OGDH: variants seen among roughly 807,000 people sequenced by gnomAD.
OGDH encodes oxoglutarate dehydrogenase.
OGDH carries 38 observed loss-of-function variants against 116.6 expected under a neutral mutation model. The ratio of observed to expected loss-of-function variants is 0.33; its 90% CI spans 0.25 to 0.43. OGDH has a LOEUF of 0.43. Among genes scored for constraint, OGDH ranks in the 20% least tolerant of loss-of-function variants. The pLI is 1.00. For missense variants in OGDH, 825 were observed against 1,357.2 expected (o/e 0.61, Z 6.16); for synonymous variants, 488 against 533.3 (o/e 0.92, Z 1.17).
At chr7:44,643,537 G>A (rs899755121) in intron 2 of OGDH, among the ~76,000 whole-genome samples, 1 of 152,202 alleles carries the variant, frequency 6.6e-6, no homozygotes, top group African/African-American at 2.4e-5. Flanking sequence ...TCTAGTTTGT[G>A]TCTAGCAGCA....
intron 2 of OGDH, among the ~76,000 whole-genome samples, chr7:44,636,668 G>A (rs1346110943): frequency 2.0e-5 from 3 of 152,216 alleles, no homozygotes; most frequent in Non-Finnish European, 4.4e-5. Flanking sequence ...AAAGAGCACT[G>A]GTCACTGTGA....
At chr7:44,657,289 A>G (rs1585302607) in intron 4 of OGDH, among the ~76,000 whole-genome samples, 2 of 152,258 alleles carry the variant, frequency 1.3e-5, no homozygotes, top group East Asian at 1.9e-4. Context: ...GGCAACCACT[A>G]TTTTGTTCTC....
Position 44,701,526 on chromosome 7 carries a change from A to T in OGDH, c.2560-17A>T, listed in dbSNP as rs1483792538. ...TCAGAATCTGATCCTTCACGAGCCT[A>T]TTGTTCTGTATTTCAGTTAATTATC... On this transcript the variant is annotated splice_polypyrimidine_tract_variant and intron_variant, in intron 19 of 22. Coordinates refer to ENST00000222673, the MANE Select transcript of OGDH (RefSeq NM_002541.4). The T allele has an allele frequency of 1.9e-6, 3 of 1,610,364 alleles. No individual in the cohort carries two copies. Among genetic ancestry groups the T allele is most frequent in the Non-Finnish European group, 2.5e-6 (3 of 1,177,006 alleles).
At chr7:44,629,640 C>T (rs1284427063) in intron 2 of OGDH, among the ~76,000 whole-genome samples, 3 of 139,784 alleles carry the variant, frequency 2.1e-5, no homozygotes, top group East Asian at 2.1e-4. Flanking sequence ...AGTGCAGTGG[C>T]GCAGTCTCGG....
chr7:44,677,715 A>C (rs975107929), intron 9 of OGDH, among the ~76,000 whole-genome samples: 2 of 148,884 alleles, frequency 1.3e-5, no homozygotes, highest in African/African-American at 4.9e-5. Flanking sequence ...CTAAAAATAC[A>C]AAAAAAAAAT....
intron 9 of OGDH, among the ~76,000 whole-genome samples, chr7:44,679,132 C>A (rs1057412104): frequency 3.9e-5 from 6 of 152,232 alleles, no homozygotes; most frequent in Non-Finnish European, 8.8e-5. Flanking sequence ...GCATGGTAGT[C>A]GCAGTACAAC....
At chr7:44,696,872 AG>A (rs777783658) in intron 14 of OGDH, 41 bp from the exon 15 acceptor site, 3 of 1,562,238 alleles carry the variant, frequency 1.9e-6, no homozygotes, top group African/African-American at 2.7e-5. Context: ...AGGCATGTGC[AG>A]GCAGGGCCTG....
At chr7:44,612,189 C>T (rs1368226294) in intron 1 of OGDH, among the ~76,000 whole-genome samples, 1 of 152,134 alleles carries the variant, frequency 6.6e-6, no homozygotes, top group African/African-American at 2.4e-5. Flanking sequence ...TTTGCACTTT[C>T]GTCAGAAATC....
chr7:44,621,400 G>A, intron 1 of OGDH, among the ~76,000 whole-genome samples: 1 of 152,180 alleles, frequency 6.6e-6, no homozygotes, highest in East Asian at 1.9e-4. Context: ...GCCGTTTTAT[G>A]TAAGAGAGAA....
At chr7:44,626,175 T>G (rs1562619663) in intron 2 of OGDH, among the ~76,000 whole-genome samples, 1 of 152,142 alleles carries the variant, frequency 6.6e-6, no homozygotes. Flanking sequence ...TGTAGTTTAT[T>G]TCCCTAGTCT....
chr7:44,697,811 C>G lies in OGDH; in HGVS notation c.2358+29C>G, dbSNP rs1294223985. ...AGCCTCTGGCCCTTCCCTGCCAGAC[C>G]TAGGACTTGGGAAGGGCCTGTGTAG... is the stretch of plus-strand genomic sequence containing the variant. On this transcript the variant is annotated intron_variant, in intron 17 of 22. Transcript: ENST00000222673. This position sits in a 1 kb window ranked among gnomAD's most constrained non-coding sequence, Gnocchi z 6.0. 1 of 1,601,414 alleles carries G rather than the reference C, an allele frequency of 6.2e-7. No individual in the cohort carries two copies. Among genetic ancestry groups the G allele is most frequent in the Admixed American group, 1.7e-5 (1 of 58,958 alleles).
intron 10 of OGDH, 123 bp downstream of exon 10, chr7:44,681,971 G>C (rs1787946722): frequency 7.7e-7 from 1 of 1,294,848 alleles, no homozygotes; most frequent in Non-Finnish European, 1.1e-6. Flanking sequence ...TAAAAACCAG[G>C]TGCAGTGGCT....
At chr7:44,647,577 T>C in intron 3 of OGDH, 80 bp from the exon 4 acceptor site, 2 of 1,480,080 alleles carry the variant, frequency 1.4e-6, no homozygotes, top group Non-Finnish European at 1.8e-6. Context: ...GTAATTTTAC[T>C]TTTTTTTTAC....
rs1328619213 is a variant in OGDH at position 44,655,424 on chromosome 7, C to T, written c.517+7665C>T. 1.3e-5 allele frequency among the ~76,000 whole-genome samples: 2 copies of T among 152,194 alleles called. 1 individual carries two copies. ...GACTGGAGACTAGCCCCTGTCACAGCCCTAGGAAGCAGGCCTGTTTCTTGG... is the reference window on the plus strand; with the variant it reads ...GACTGGAGACTAGCCCCTGTCACAGTCCTAGGAAGCAGGCCTGTTTCTTGG... On this transcript the variant is annotated intron_variant, in intron 4 of 22. Coordinates refer to ENST00000222673, the MANE Select transcript of OGDH (RefSeq NM_002541.4).
chr7:44,658,018 C>T (rs1786770740), intron 4 of OGDH, among the ~76,000 whole-genome samples: 2 of 152,068 alleles, frequency 1.3e-5, no homozygotes, highest in African/African-American at 4.8e-5. Flanking sequence ...CCATCGATAC[C>T]ACAGTGTCTT....
chr7:44,696,804 C>T, intron 14 of OGDH, 110 bp from the exon 15 acceptor site: 1 of 1,383,882 alleles, frequency 7.2e-7, no homozygotes, highest in Non-Finnish European at 9.7e-7. Context: ...GTCAGGAACC[C>T]AGAAACTACG....
chr7:44,612,628 T>A (rs1784609047), intron 1 of OGDH, among the ~76,000 whole-genome samples: 1 of 152,004 alleles, frequency 6.6e-6, no homozygotes, highest in South Asian at 2.1e-4. Flanking sequence ...CATGATCCAC[T>A]CGCCTCGGCC....
At chr7:44,666,877 A>G (rs2116052950) in intron 5 of OGDH, 26 bp downstream of exon 5, 3 of 1,449,758 alleles carry the variant, frequency 2.1e-6, no homozygotes, top group South Asian at 1.2e-5. Context: ...GGAAAAATCT[A>G]ATGGACTTCT....
At chr7:44,670,050 C>A (rs1249905327) in intron 5 of OGDH, among the ~76,000 whole-genome samples, 1 of 151,508 alleles carries the variant, frequency 6.6e-6, no homozygotes, top group Non-Finnish European at 1.5e-5. Context: ...AGAATCAGCC[C>A]CTGAATCTTG....
Sources: allele counts gnomAD v4.1 joint callset (sites outside exome capture counted in the v4.1 genomes callset), GRCh38; gene constraint gnomAD v4.1.1; non-coding constraint Gnocchi (gnomAD v3.1); transcripts MANE v1.5; gene names NCBI Gene and HGNC (gene_info 2026-07-23, HGNC 2026-07-21).